The following CRACR2A variants were observed in gnomAD, a reference collection of about 807,000 sequenced individuals.
The protein encoded by CRACR2A is EF-hand calcium-binding domain-containing protein 4B.
A neutral mutation model predicts 90.5 loss-of-function variants in CRACR2A; 79 were observed. The observed-to-expected ratio is 0.87, with a 90% CI of 0.73 to 1.05. The LOEUF is 1.05. Ranked by LOEUF, CRACR2A falls within the 50% of genes least tolerant of loss-of-function variation. CRACR2A has a pLI of 0.00. For missense variants in CRACR2A, 823 were observed against 897.2 expected (o/e 0.92, Z 1.06); for synonymous variants, 338 against 356.7 (o/e 0.95, Z 0.59).
intron 1 of CRACR2A, among the ~76,000 whole-genome samples, chr12:3,736,632 G>C (rs1362272892): frequency 6.6e-6 from 1 of 152,148 alleles, no homozygotes; most frequent in East Asian, 1.9e-4. Context: ...GAAAAAAACT[G>C]AGGGCTGGAA....
chr12:3,734,478 A>G (rs1946415946), intron 1 of CRACR2A, among the ~76,000 whole-genome samples: 1 of 152,172 alleles, frequency 6.6e-6, no homozygotes, highest in Non-Finnish European at 1.5e-5. Flanking sequence ...TCCCACTTCT[A>G]GGTATATGTC....
chr12:3,665,901 T>G (rs1403292000), intron 7 of CRACR2A, among the ~76,000 whole-genome samples: 4 of 152,204 alleles, frequency 2.6e-5, no homozygotes, highest in Non-Finnish European at 5.9e-5. Flanking sequence ...TTATACTCTC[T>G]GTGTAATTTA....
intron 11 of CRACR2A, among the ~76,000 whole-genome samples, chr12:3,647,297 G>A (rs1400811348): frequency 6.7e-6 from 1 of 149,130 alleles, no homozygotes. Flanking sequence ...GCTTTCATTA[G>A]CCATTGGGGC....
At chr12:3,736,131 T>C (rs1367742601) in intron 1 of CRACR2A, among the ~76,000 whole-genome samples, 1 of 151,648 alleles carries the variant, frequency 6.6e-6, no homozygotes, top group Non-Finnish European at 1.5e-5. Flanking sequence ...GTGCTAGTAA[T>C]AGACTAGATG....
chr12:3,680,101 T>A, intron 5 of CRACR2A, 137 bp downstream of exon 5: 1 of 644,390 alleles, frequency 1.6e-6, no homozygotes, highest in Non-Finnish European at 2.7e-6. Flanking sequence ...CCTGGAGACC[T>A]TGAGCTCCAG....
chr12:3,739,646 G>A (rs2137890816), intron 1 of CRACR2A, among the ~76,000 whole-genome samples: 1 of 152,202 alleles, frequency 6.6e-6, no homozygotes, highest in South Asian at 2.1e-4. Flanking sequence ...CTTTATTTAA[G>A]AAATACTGGC....
At chr12:3,750,737 C>G (rs994172438) in intron 1 of CRACR2A, among the ~76,000 whole-genome samples, 2 of 152,148 alleles carry the variant, frequency 1.3e-5, no homozygotes, top group African/African-American at 2.4e-5. Context: ...CACTAGCTCT[C>G]CCCTAGCTTC....
At chr12:3,644,755 G>C in intron 11 of CRACR2A, 115 bp from the exon 12 acceptor site, 1 of 886,694 alleles carries the variant, frequency 1.1e-6, no homozygotes, top group South Asian at 1.4e-5. Context: ...GGAAGACAGG[G>C]GAGTCTGTGG....
chr12:3,633,311 G>C lies in CRACR2A; in HGVS notation c.1735+293C>G, dbSNP rs958098988. On this transcript the variant is annotated intron_variant, in intron 15 of 19. Coordinates refer to ENST00000440314, the MANE Select transcript of CRACR2A (RefSeq NM_001144958.2). This position sits in a 1 kb window ranked among gnomAD's most constrained non-coding sequence, Gnocchi z 4.5. ...GGGTACTCATTGAAGAGGGGAAGGG[G>C]ACCCAAATCTACCTTTACCAAATTT... is the stretch of plus-strand genomic sequence containing the variant. Among the ~76,000 whole-genome samples the C allele has an allele frequency of 1.3e-5, 2 of 152,154 alleles. No homozygotes were observed. Among genetic ancestry groups the C allele is most frequent in the Non-Finnish European group, 2.9e-5 (2 of 67,984 alleles).
intron 10 of CRACR2A, among the ~76,000 whole-genome samples, chr12:3,650,173 A>G (rs1944769444): frequency 6.6e-6 from 1 of 152,208 alleles, no homozygotes; most frequent in African/African-American, 2.4e-5. Flanking sequence ...CAGGCTGTGC[A>G]CACACTGGGC....
At chr12:3,662,401 G>A (rs1368457310) in intron 7 of CRACR2A, among the ~76,000 whole-genome samples, 2 of 152,188 alleles carry the variant, frequency 1.3e-5, no homozygotes, top group Admixed American at 6.5e-5. Context: ...GTGACCTTGG[G>A]TAAGTGCTCT....
chr12:3,749,795 T>TTGTGTGTG (rs200387314), intron 1 of CRACR2A, among the ~76,000 whole-genome samples: 1,510 of 144,610 alleles, frequency 0.01, 28 homozygotes, highest in African/African-American at 0.025. Context: ...TGCTGTTTCT[T>TTGTGTGTG]TGTGTGTGTG....
chr12:3,681,739 A>G (rs931739451), intron 4 of CRACR2A, among the ~76,000 whole-genome samples: 3 of 152,248 alleles, frequency 2.0e-5, no homozygotes, highest in African/African-American at 7.2e-5. Flanking sequence ...AAGAGCTGGC[A>G]GGTGTGAAAG....
intron 1 of CRACR2A, among the ~76,000 whole-genome samples, chr12:3,748,036 G>A (rs914804733): frequency 2.0e-5 from 3 of 147,250 alleles, no homozygotes; most frequent in Admixed American, 1.3e-4. Context: ...GCTCAGGGGT[G>A]CACCCAGAAG....
intron 4 of CRACR2A, among the ~76,000 whole-genome samples, chr12:3,696,106 C>T (rs144742687): frequency 4.6e-5 from 7 of 152,358 alleles, no homozygotes; most frequent in African/African-American, 9.6e-5. Flanking sequence ...TATTGGAACA[C>T]GGCACCCTCA....
chr12:3,701,539 C>T (rs1945834222), intron 3 of CRACR2A, among the ~76,000 whole-genome samples: 1 of 152,062 alleles, frequency 6.6e-6, no homozygotes, highest in Non-Finnish European at 1.5e-5. Context: ...TTATGAATAA[C>T]TTTATGCCAA....
intron 13 of CRACR2A, chr12:3,640,567 G>A: frequency 7.8e-7 from 1 of 1,274,586 alleles, no homozygotes; most frequent in Non-Finnish European, 1.0e-6. Flanking sequence ...AACCACTATT[G>A]CAGAGATTTG....
At chr12:3,637,939 C>G (rs1013438736) in intron 14 of CRACR2A, among the ~76,000 whole-genome samples, 185 bp downstream of exon 14, 1 of 152,162 alleles carries the variant, frequency 6.6e-6, no homozygotes, top group African/African-American at 2.4e-5. Flanking sequence ...TATCAGGACC[C>G]CTGAGTCTCC....
chr12:3,673,845 A>T (rs1945295497), intron 6 of CRACR2A, among the ~76,000 whole-genome samples: 1 of 152,202 alleles, frequency 6.6e-6, no homozygotes, highest in Non-Finnish European at 1.5e-5. Flanking sequence ...GCAGGTGAAG[A>T]GAGGTGGAGT....
Sources: gnomAD v4.1 joint callset for allele counts (sites outside exome capture counted in the v4.1 genomes callset) on GRCh38, gnomAD v4.1.1 for gene constraint, Gnocchi (gnomAD v3.1) non-coding constraint, MANE v1.5 for transcripts, NCBI Gene and HGNC (gene_info 2026-07-23, HGNC 2026-07-21) for gene names.